The following SRBD1 variants were observed in gnomAD, a reference collection of about 807,000 sequenced individuals.
The protein encoded by SRBD1 is S1 RNA-binding domain-containing protein 1.
Under a neutral mutation model 115.3 loss-of-function variants are expected in SRBD1, and 88 were observed. The observed-to-expected ratio is 0.76, with a 90% CI of 0.64 to 0.91. The LOEUF is 0.91. Ranked by LOEUF, SRBD1 falls within the 40% of genes least tolerant of loss-of-function variation. SRBD1 has a pLI of 0.00. For missense variants in SRBD1, 1,385 were observed against 1,177.4 expected (o/e 1.18, Z -2.58); for synonymous variants, 509 against 407.7 (o/e 1.25, Z -2.99).
chr2:45,592,109 C>T (rs1003949413), intron 4 of SRBD1, among the ~76,000 whole-genome samples: 4 of 152,154 alleles, frequency 2.6e-5, no homozygotes, highest in African/African-American at 7.2e-5. Context: ...TTTGCTTCTT[C>T]CTCATTTTCT....
intron 19 of SRBD1, among the ~76,000 whole-genome samples, chr2:45,395,734 G>A (rs1425798368): frequency 1.3e-5 from 2 of 152,166 alleles, no homozygotes; most frequent in Admixed American, 1.3e-4. Flanking sequence ...ACTGGGAATA[G>A]CATTTAGACT....
rs1404251388 is a variant in SRBD1, at chr2:45,389,246, G to A, written c.*64C>T. ...TGCTACCTAGAGTTTACAAACAACT[G>A]ACTTATCCTTGTCAATCTGTGGAAA... On this transcript the variant is annotated 3_prime_UTR_variant, in exon 21 of 21. Coordinates refer to ENST00000263736, the MANE Select transcript of SRBD1 (RefSeq NM_018079.5). The A allele has an allele frequency of 2.6e-6, 4 of 1,557,882 alleles. No individual in the cohort carries two copies. The Admixed American group carries it at 5.5e-5, about 22-fold the overall frequency.
Position 45,418,348 on chromosome 2 carries a change from T to C in SRBD1, c.2333+17A>G. On this transcript the variant is annotated intron_variant, in intron 18 of 20. Transcript: ENST00000263736. ...GAGGAGGTTGACAATAGAATCAAAG[T>C]GTATACTTATACTCACCTGCAAAAC... The C allele has an allele frequency of 1.2e-6, 2 of 1,609,524 alleles. No homozygotes were observed. The highest frequency in any genetic ancestry group is 1.7e-6 in the Non-Finnish European group (2 of 1,177,668).
chr2:45,459,834 C>A (rs917479650), intron 16 of SRBD1, among the ~76,000 whole-genome samples: 1 of 152,126 alleles, frequency 6.6e-6, no homozygotes, highest in African/African-American at 2.4e-5. Context: ...GCTCTGTGTT[C>A]TTTCCACTAA....
chr2:45,444,809 T>C (rs1668772999), intron 16 of SRBD1, among the ~76,000 whole-genome samples: 1 of 152,204 alleles, frequency 6.6e-6, no homozygotes, highest in South Asian at 2.1e-4. Context: ...GGAACTCCTT[T>C]GGTATCAGTA....
chr2:45,478,891 G>A (rs979330145), intron 15 of SRBD1, among the ~76,000 whole-genome samples: 1 of 152,126 alleles, frequency 6.6e-6, no homozygotes, highest in African/African-American at 2.4e-5. Context: ...TTCCAAGTTG[G>A]AAATTTGCGG....
intron 16 of SRBD1, among the ~76,000 whole-genome samples, chr2:45,444,582 C>G (rs1668763644): frequency 6.6e-6 from 1 of 151,998 alleles, no homozygotes; most frequent in South Asian, 2.1e-4. Flanking sequence ...ATTTAAAAAT[C>G]AAAATATGCA....
At chr2:45,411,350 T>C (rs1667597027) in intron 19 of SRBD1, among the ~76,000 whole-genome samples, 2 of 152,098 alleles carry the variant, frequency 1.3e-5, no homozygotes, top group Admixed American at 6.5e-5. Context: ...AACAGGAAAA[T>C]AGATAAGCTG....
intron 14 of SRBD1, among the ~76,000 whole-genome samples, chr2:45,508,426 A>T (rs920877150): frequency 6.6e-6 from 1 of 152,192 alleles, no homozygotes; most frequent in African/African-American, 2.4e-5. Context: ...GTTTATTTTA[A>T]GCATAAAGCC....
chr2:45,609,822 A>T (rs1398235545), intron 1 of SRBD1, among the ~76,000 whole-genome samples: 1 of 152,198 alleles, frequency 6.6e-6, no homozygotes, highest in African/African-American at 2.4e-5. Context: ...ACAATCTGTA[A>T]TTATTTTTAT....
intron 6 of SRBD1, among the ~76,000 whole-genome samples, chr2:45,580,503 G>A (rs1489734114): frequency 2.1e-5 from 3 of 142,132 alleles, no homozygotes; most frequent in African/African-American, 7.9e-5. Flanking sequence ...GCACCACTAC[G>A]TCCAGCTATT....
At chr2:45,401,881 A>C (rs1348616209) in intron 19 of SRBD1, among the ~76,000 whole-genome samples, 1 of 152,178 alleles carries the variant, frequency 6.6e-6, no homozygotes, top group Non-Finnish European at 1.5e-5. Context: ...TCTTTGCATT[A>C]CAGTCACTTA....
At chr2:45,571,517 CAAAAAAAAAAAAAAA>C (rs58100763) in intron 9 of SRBD1, among the ~76,000 whole-genome samples, 1 of 39,406 alleles carries the variant, frequency 2.5e-5, no homozygotes, top group Non-Finnish European at 4.9e-5. Flanking sequence ...CAGACTTTAC[CAAAAAAAAAAAAAAA>C]AAAAAAAAAA....
At chr2:45,610,615 A>G (rs1402572963) in intron 1 of SRBD1, among the ~76,000 whole-genome samples, 1 of 152,238 alleles carries the variant, frequency 6.6e-6, no homozygotes, top group Non-Finnish European at 1.5e-5. Context: ...AAAGTTGCCT[A>G]GAGAGTTCCC....
intron 19 of SRBD1, among the ~76,000 whole-genome samples, chr2:45,410,633 A>G (rs1208986943): frequency 6.6e-6 from 1 of 152,184 alleles, no homozygotes; most frequent in Non-Finnish European, 1.5e-5. Context: ...CCTTCAGGAT[A>G]GGGGATGGTC....
chr2:45,580,040 G>A (rs555271170), intron 6 of SRBD1, 27 bp from the exon 7 acceptor site: 4 of 1,450,102 alleles, frequency 2.8e-6, no homozygotes, highest in Non-Finnish European at 3.7e-6. Context: ...GAAAACATAT[G>A]ATTATGTTTT....
At chr2:45,555,429 A>C (rs188876612) in intron 10 of SRBD1, among the ~76,000 whole-genome samples, 2 of 152,188 alleles carry the variant, frequency 1.3e-5, no homozygotes, top group East Asian at 3.9e-4. Context: ...ATTTTTTGGA[A>C]AAATGGATTT....
chr2:45,610,737 C>T (rs543640634), intron 1 of SRBD1, among the ~76,000 whole-genome samples: 6 of 152,264 alleles, frequency 3.9e-5, no homozygotes, highest in Admixed American at 3.9e-4. Flanking sequence ...TGCTTCCTCT[C>T]CCACCTCCGA....
intron 14 of SRBD1, among the ~76,000 whole-genome samples, chr2:45,496,404 A>G (rs1670460953): frequency 6.6e-6 from 1 of 152,176 alleles, no homozygotes; most frequent in African/African-American, 2.4e-5. Flanking sequence ...TTAAAAAAGA[A>G]TGACAACAAA....
Sources: allele counts gnomAD v4.1 joint callset (sites outside exome capture counted in the v4.1 genomes callset), GRCh38; gene constraint gnomAD v4.1.1; transcripts MANE v1.5; gene names NCBI Gene and HGNC (gene_info 2026-07-23, HGNC 2026-07-21).